Variants in ELAVL2 observed in about 807,000 individuals in gnomAD.
ELAVL2 encodes ELAV-like protein 2.
Under a neutral mutation model 34.6 loss-of-function variants are expected in ELAVL2, and 4 were observed. The ratio of observed to expected loss-of-function variants is 0.12; its 90% CI spans 0.06 to 0.26. ELAVL2 has a LOEUF of 0.26. Ranked by LOEUF, ELAVL2 falls within the 10% of genes least tolerant of loss-of-function variation. The pLI is 1.00. For missense variants in ELAVL2, 432 were observed against 442.8 expected, an observed-to-expected ratio of 0.98 and a Z score of 0.22; for synonymous variants, 193 against 154.8, an observed-to-expected ratio of 1.25 and a Z score of -1.83.
chr9:23,734,947 C>T (rs1252866493), intron 2 of ELAVL2, among the ~76,000 whole-genome samples: 1 of 151,682 alleles, frequency 6.6e-6, no homozygotes, highest in Non-Finnish European at 1.5e-5. Flanking sequence ...TTTCAAGTCT[C>T]TCTGAATTTA....
chr9:23,830,600 T>TCACACACA (rs2065467218), upstream of ELAVL2, among the ~76,000 whole-genome samples: 1 of 71,052 alleles, frequency 1.4e-5, no homozygotes, highest in African/African-American at 4.3e-5. Flanking sequence ...AGCCCCCCAC[T>TCACACACA]TACACACACA....
the ELAVL2 span, among the ~76,000 whole-genome samples, chr9:23,831,897 G>A: frequency 6.6e-6 from 1 of 152,150 alleles, no homozygotes; most frequent in Non-Finnish European, 1.5e-5. Context: ...GTGAGGAGAA[G>A]TGGAAAAGGG....
chr9:23,716,708 T>G (rs558333085), intron 3 of ELAVL2, among the ~76,000 whole-genome samples: 1 of 152,170 alleles, frequency 6.6e-6, no homozygotes, highest in Admixed American at 6.5e-5. Context: ...AAAGGAAATG[T>G]ATAGTTAAGA....
intron 1 of ELAVL2, among the ~76,000 whole-genome samples, chr9:23,823,969 G>C (rs755806717): frequency 5.3e-5 from 8 of 152,200 alleles, no homozygotes; most frequent in Admixed American, 1.3e-4. Context: ...GAGAACGGCT[G>C]AAGGTTTAGA....
chr9:23,702,886 T>C (rs2037781434), intron 4 of ELAVL2, among the ~76,000 whole-genome samples: 1 of 141,044 alleles, frequency 7.1e-6, no homozygotes, highest in Non-Finnish European at 1.5e-5. Context: ...ACTTATCTAC[T>C]AGCGCCTATT....
intron 1 of ELAVL2, chr9:23,765,031 C>G (rs1231641078): frequency 1.2e-6 from 2 of 1,609,164 alleles, no homozygotes; most frequent in Non-Finnish European, 1.7e-6. Flanking sequence ...CTCTGCTGCC[C>G]ACGAACCACT....
chr9:23,786,014 C>G (rs2059631753), intron 1 of ELAVL2, among the ~76,000 whole-genome samples: 2 of 152,292 alleles, frequency 1.3e-5, no homozygotes, highest in South Asian at 2.1e-4. Flanking sequence ...TTCACTGATG[C>G]TACATTCTAT....
the ELAVL2 span, among the ~76,000 whole-genome samples, chr9:23,832,657 A>G: frequency 2.0e-5 from 3 of 152,162 alleles, no homozygotes; most frequent in Non-Finnish European, 4.4e-5. Flanking sequence ...AAGGGCATTT[A>G]CATTTTAAGT....
chr9:23,819,106 G>A (rs1325466427), intron 1 of ELAVL2, among the ~76,000 whole-genome samples: 1 of 152,170 alleles, frequency 6.6e-6, no homozygotes, highest in Non-Finnish European at 1.5e-5. Context: ...ATTTTTAAAA[G>A]ATAAGCAGGG....
At chr9:23,783,844 CTG>C (rs2059370197) in intron 1 of ELAVL2, among the ~76,000 whole-genome samples, 1 of 152,116 alleles carries the variant, frequency 6.6e-6, no homozygotes, top group African/African-American at 2.4e-5. Context: ...ACTAGGCTCT[CTG>C]TTGTCATAGG....
At position 23,691,113 on chromosome 9, in the gene ELAVL2, A is replaced by C. The variant is rs1181026116; in HGVS notation, c.*1444T>G. On this transcript the variant is annotated 3_prime_UTR_variant, in exon 7 of 7. Coordinates refer to ENST00000397312, the MANE Select transcript of ELAVL2 (RefSeq NM_004432.5). ...ACTATCTACAGACAAAATTTGCAAC[A>C]AATCTGATGCACTGTAAATTCAAGT... The C allele has an allele frequency of 6.6e-6, 1 of 152,584 alleles. No individual in the cohort carries two copies. The highest frequency in any genetic ancestry group is 1.5e-5 in the Non-Finnish European group (1 of 68,004). 9.5% of individuals were successfully genotyped at this position (152,584 alleles called of 1,614,324 possible).
chr9:23,693,759 C>T (rs1302488050), intron 5 of ELAVL2, among the ~76,000 whole-genome samples: 1 of 152,174 alleles, frequency 6.6e-6, no homozygotes, highest in Non-Finnish European at 1.5e-5. Flanking sequence ...AGTGCGAAAG[C>T]TCTGGGATAG....
intron 1 of ELAVL2, among the ~76,000 whole-genome samples, chr9:23,783,170 C>T (rs900484594): frequency 4.0e-5 from 6 of 148,454 alleles, no homozygotes; most frequent in Admixed American, 3.5e-4. Flanking sequence ...TCTCCGGAGG[C>T]GTGAAGTCAT....
At chr9:23,699,503 G>C (rs1287266430) in intron 5 of ELAVL2, among the ~76,000 whole-genome samples, 1 of 151,988 alleles carries the variant, frequency 6.6e-6, no homozygotes, top group Non-Finnish European at 1.5e-5. Context: ...ACATTATGAA[G>C]AACTTTGTTC....
At chr9:23,827,545 G>A (rs1013353880), upstream of ELAVL2, among the ~76,000 whole-genome samples, 5 of 152,232 alleles carry the variant, frequency 3.3e-5, no homozygotes, top group Admixed American at 6.5e-5. Flanking sequence ...ATGTGTAAAT[G>A]TAATGTACAC....
At chr9:23,699,050 T>G (rs1348869236) in intron 5 of ELAVL2, among the ~76,000 whole-genome samples, 1 of 152,222 alleles carries the variant, frequency 6.6e-6, no homozygotes, top group East Asian at 1.9e-4. Context: ...ATTCTCTTCT[T>G]CCAAAATGTC....
In ELAVL2 at chr9:23,770,175, T is replaced by C. The variant is rs192821604; in HGVS notation, c.-15-7926A>G. On this transcript the variant is annotated intron_variant, in intron 1 of 6. Coordinates refer to ENST00000397312, the MANE Select transcript of ELAVL2 (RefSeq NM_004432.5). The stretch of plus-strand genomic sequence containing the variant: ...CAGAACATATACAAGTATGAACACA[T>C]AGAAGAAAACAGTACATCAGCAATA... Among the ~76,000 whole-genome samples the C allele has an allele frequency of 1.7e-3, 256 of 152,170 alleles. 1 individual carries two copies. The highest frequency in any genetic ancestry group is 5.8e-3 in the African/African-American group (240 of 41,504).
intron 1 of ELAVL2, among the ~76,000 whole-genome samples, chr9:23,767,821 T>C (rs986143837): frequency 1.3e-5 from 2 of 152,154 alleles, no homozygotes; most frequent in Admixed American, 6.6e-5. Context: ...GAGTTGTTAT[T>C]AAGTTCACTC....
chr9:23,697,571 T>C (rs1264268001), intron 5 of ELAVL2, among the ~76,000 whole-genome samples: 2 of 152,158 alleles, frequency 1.3e-5, no homozygotes, highest in Non-Finnish European at 2.9e-5. Context: ...AAAAGGCACA[T>C]AGGAGAGAGA....
Sources: allele counts gnomAD v4.1 joint callset (sites outside exome capture counted in the v4.1 genomes callset), GRCh38; gene constraint gnomAD v4.1.1; transcripts MANE v1.5; gene names NCBI Gene and HGNC (gene_info 2026-07-23, HGNC 2026-07-21).